Variants in PRKCA observed in about 807,000 individuals in gnomAD.
The protein encoded by PRKCA is protein kinase C alpha.
Under a neutral mutation model 87.0 loss-of-function variants are expected in PRKCA, and 27 were observed. That is an observed-to-expected ratio of 0.31 (90% CI 0.23 to 0.43). The LOEUF (loss-of-function observed/expected upper bound fraction) is 0.43. Ranked by LOEUF, PRKCA falls within the 20% of genes least tolerant of loss-of-function variation. The pLI is 1.00. For synonymous variants in PRKCA, 329 were observed against 311.1 expected, an observed-to-expected ratio of 1.06 and a Z score of -0.61; for missense variants, 518 against 852.3, an observed-to-expected ratio of 0.61 and a Z score of 4.88.
chr17:66,395,096 GTTC>G (rs1362273789), intron 2 of PRKCA, among the ~76,000 whole-genome samples: 1 of 152,102 alleles, frequency 6.6e-6, no homozygotes, highest in East Asian at 1.9e-4. Context: ...GCTAAGTATA[GTTC>G]TTCTCTCACT....
chr17:66,585,197 T>C (rs928585582), intron 3 of PRKCA, among the ~76,000 whole-genome samples: 19 of 152,180 alleles, frequency 1.2e-4, no homozygotes, highest in African/African-American at 3.6e-4. Flanking sequence ...CCTAATCTTT[T>C]GTTAGGCAGG....
chr17:66,794,175 T>C (rs1465398834), intron 16 of PRKCA, among the ~76,000 whole-genome samples: 2 of 152,238 alleles, frequency 1.3e-5, no homozygotes, highest in Non-Finnish European at 2.9e-5. Flanking sequence ...GCAGAGCACA[T>C]TGGAAATAGA....
At chr17:66,372,509 T>A (rs994121969) in intron 2 of PRKCA, among the ~76,000 whole-genome samples, 12 of 152,230 alleles carry the variant, frequency 7.9e-5, no homozygotes, top group Non-Finnish European at 1.5e-4. Context: ...TTTAAGAAAC[T>A]TTTATTCTTG....
chr17:66,376,272 A>C (rs1909410438), intron 2 of PRKCA, among the ~76,000 whole-genome samples: 1 of 152,146 alleles, frequency 6.6e-6, no homozygotes, highest in South Asian at 2.1e-4. Context: ...GCTAACTGCT[A>C]TGGGCGAGGC....
chr17:66,510,061 A>G (rs1374679935), intron 3 of PRKCA, among the ~76,000 whole-genome samples: 1 of 152,106 alleles, frequency 6.6e-6, no homozygotes, highest in African/African-American at 2.4e-5. Context: ...CATGTTTTTT[A>G]GTTTCTATCT....
At chr17:66,575,424 A>G (rs1481446218) in intron 3 of PRKCA, among the ~76,000 whole-genome samples, 1 of 152,196 alleles carries the variant, frequency 6.6e-6, no homozygotes, top group Non-Finnish European at 1.5e-5. Flanking sequence ...TACTAAAAAT[A>G]CAAAAATTAG....
At chr17:66,729,350 G>T (rs539328496) in intron 8 of PRKCA, among the ~76,000 whole-genome samples, 1 of 152,314 alleles carries the variant, frequency 6.6e-6, no homozygotes, top group South Asian at 2.1e-4. Flanking sequence ...GTTGCAGTGA[G>T]CTGGGATCGC....
intron 13 of PRKCA, among the ~76,000 whole-genome samples, chr17:66,752,367 G>C (rs1974453636): frequency 6.6e-6 from 1 of 152,170 alleles, no homozygotes. Context: ...GGCCGGGGTG[G>C]GAGGATCACC....
In PRKCA at chr17:66,789,823, G is replaced by A. The variant is rs190658758; in HGVS notation, c.1854+844G>A. Reference sequence around the variant, plus strand: ...GCTGTGGGCCCTAATTGTTGATTGCGGCCAGCAAGTGCCTTTCATGTTTAT... The same window carrying A: ...GCTGTGGGCCCTAATTGTTGATTGCAGCCAGCAAGTGCCTTTCATGTTTAT... On this transcript the variant is annotated intron_variant, in intron 16 of 16. Coordinates refer to ENST00000413366, the MANE Select transcript of PRKCA (RefSeq NM_002737.3). 1.7e-3 allele frequency among the ~76,000 whole-genome samples: 253 copies of A among 152,240 alleles called. 2 individuals are homozygous for A. Among genetic ancestry groups the A allele is most frequent in the Admixed American group, 9.6e-3 (146 of 15,284 alleles).
chr17:66,555,768 C>T (rs1277709295), intron 3 of PRKCA, among the ~76,000 whole-genome samples: 1 of 151,892 alleles, frequency 6.6e-6, no homozygotes, highest in Non-Finnish European at 1.5e-5. Context: ...TATGAACTAC[C>T]ACAGTTGACA....
intron 3 of PRKCA, among the ~76,000 whole-genome samples, chr17:66,532,046 G>A (rs540479973): frequency 6.6e-6 from 1 of 152,126 alleles, no homozygotes; most frequent in East Asian, 1.9e-4. Context: ...AGAGCACCAT[G>A]TTCCACTGCT....
intron 3 of PRKCA, among the ~76,000 whole-genome samples, chr17:66,535,289 A>G (rs1967735428): frequency 6.6e-6 from 1 of 152,224 alleles, no homozygotes; most frequent in Non-Finnish European, 1.5e-5. Context: ...AAACTCACCA[A>G]GGATGAAGCT....
At chr17:66,778,765 C>CG (rs573227566) in intron 14 of PRKCA, among the ~76,000 whole-genome samples, 13 of 145,628 alleles carry the variant, frequency 8.9e-5, no homozygotes, top group Admixed American at 4.9e-4. Context: ...TGATCGAGCC[C>CG]GGGGGGTCAA....
At chr17:66,783,404 A>T (rs1274994840) in intron 14 of PRKCA, among the ~76,000 whole-genome samples, 3 of 152,198 alleles carry the variant, frequency 2.0e-5, no homozygotes, top group African/African-American at 7.2e-5. Flanking sequence ...GTTCTAAGGA[A>T]TATTCTTTGG....
At chr17:66,580,756 C>T (rs577386280) in intron 3 of PRKCA, among the ~76,000 whole-genome samples, 5 of 152,302 alleles carry the variant, frequency 3.3e-5, no homozygotes, top group Admixed American at 6.5e-5. Flanking sequence ...GGAAACAGAA[C>T]ATGACGCCAC....
At chr17:66,396,832 G>GT (rs1910706259) in intron 2 of PRKCA, among the ~76,000 whole-genome samples, 1 of 143,938 alleles carries the variant, frequency 6.9e-6, no homozygotes, top group Non-Finnish European at 1.5e-5. Flanking sequence ...CTCTATTGTT[G>GT]TTTTTTATTT....
In PRKCA at chr17:66,412,462, A is replaced by C. The variant is rs752092211; in HGVS notation, c.206-83739A>C. 5.9e-5 allele frequency among the ~76,000 whole-genome samples: 9 copies of C among 152,334 alleles called. No homozygotes were observed. In the South Asian group the frequency reaches 1.7e-3, roughly 28 times the overall value. ...GGGCATTTGTCAGACGTTTTCTTTA[A>C]AATGAATAAAGTTAAGGTGTCACTT... On this transcript the variant is annotated intron_variant, in intron 2 of 16. Coordinates refer to ENST00000413366, the MANE Select transcript of PRKCA (RefSeq NM_002737.3).
At chr17:66,427,508 C>G (rs1399321109) in intron 2 of PRKCA, among the ~76,000 whole-genome samples, 2 of 152,206 alleles carry the variant, frequency 1.3e-5, no homozygotes, top group African/African-American at 4.8e-5. Context: ...CACTTCTGGT[C>G]TAAGCCATTT....
chr17:66,793,577 T>A (rs1170929651), intron 16 of PRKCA, among the ~76,000 whole-genome samples: 1 of 85,228 alleles, frequency 1.2e-5, no homozygotes, highest in Non-Finnish European at 2.1e-5. Context: ...GCGACAAGAA[T>A]GAAACTCCGT....
Sources: allele counts gnomAD v4.1 joint callset (sites outside exome capture counted in the v4.1 genomes callset), GRCh38; gene constraint gnomAD v4.1.1; transcripts MANE v1.5; gene names NCBI Gene and HGNC (gene_info 2026-07-23, HGNC 2026-07-21).